The following PPARG variants were observed in gnomAD, a reference collection of about 807,000 sequenced individuals.
The protein encoded by PPARG is peroxisome proliferator activated receptor gamma.
In PPARG, 17 loss-of-function variants were observed where a neutral mutation model predicts 39.2. That is an observed-to-expected ratio of 0.43 (90% CI 0.30 to 0.65). The LOEUF (loss-of-function observed/expected upper bound fraction) is 0.65. Ranked by LOEUF, PPARG falls within the 30% of genes least tolerant of loss-of-function variation. The pLI is 0.13. For missense variants in PPARG, 406 were observed against 585.9 expected (o/e 0.69, Z 3.17); for synonymous variants, 223 against 215.7 (o/e 1.03, Z -0.30).
chr3:12,330,099 A>C (rs148775355), intron 2 of PPARG, among the ~76,000 whole-genome samples: 113 of 152,222 alleles, frequency 7.4e-4, no homozygotes, highest in African/African-American at 2.7e-3. Context: ...TTCAGTAAAC[A>C]TTGGTGTTCA....
chr3:12,411,367 A>G (rs2050873901), intron 6 of PPARG, among the ~76,000 whole-genome samples: 1 of 152,174 alleles, frequency 6.6e-6, no homozygotes, highest in Non-Finnish European at 1.5e-5. Flanking sequence ...GTAAATCTCT[A>G]AACCCTGCAG....
intron 2 of PPARG, among the ~76,000 whole-genome samples, chr3:12,370,844 G>C (rs2049187140): frequency 6.6e-6 from 1 of 152,152 alleles, no homozygotes; most frequent in Admixed American, 6.5e-5. Context: ...ATAAGACATA[G>C]ACTTTCCTGG....
At chr3:12,292,309 C>G (rs1161293029) in intron 1 of PPARG, among the ~76,000 whole-genome samples, 1 of 152,102 alleles carries the variant, frequency 6.6e-6, no homozygotes, top group African/African-American at 2.4e-5. Context: ...ACAGATTGTG[C>G]GCTTTGATTT....
intron 6 of PPARG, among the ~76,000 whole-genome samples, chr3:12,409,398 C>A (rs1224396060): frequency 6.7e-6 from 1 of 148,504 alleles, no homozygotes; most frequent in Non-Finnish European, 1.5e-5. Flanking sequence ...AGAAACAGTT[C>A]AGAGAGGAAT....
At chr3:12,399,888 G>A (rs1291273347) in intron 5 of PPARG, among the ~76,000 whole-genome samples, 2 of 151,210 alleles carry the variant, frequency 1.3e-5, no homozygotes, top group African/African-American at 4.9e-5. Flanking sequence ...CACTTGGGAG[G>A]CTGAGGCAGA....
intron 2 of PPARG, among the ~76,000 whole-genome samples, chr3:12,346,755 C>T (rs367610822): frequency 5.3e-5 from 8 of 152,094 alleles, no homozygotes; most frequent in South Asian, 2.1e-4. Context: ...CTGCCTCAGC[C>T]TCTCAAGTAG....
intron 6 of PPARG, among the ~76,000 whole-genome samples, chr3:12,414,387 C>T (rs1041409657): frequency 1.3e-5 from 2 of 152,088 alleles, no homozygotes; most frequent in Non-Finnish European, 2.9e-5. Context: ...GAGGCCAAAG[C>T]AGGACGATCA....
intron 5 of PPARG, among the ~76,000 whole-genome samples, chr3:12,404,973 A>G (rs1229815241): frequency 6.6e-6 from 1 of 152,188 alleles, no homozygotes; most frequent in Non-Finnish European, 1.5e-5. Context: ...TCGTGAGTGT[A>G]AGAACAGAGC....
intron 2 of PPARG, among the ~76,000 whole-genome samples, chr3:12,370,966 C>T (rs1439742722): frequency 3.9e-5 from 6 of 152,124 alleles, no homozygotes; most frequent in African/African-American, 7.2e-5. Flanking sequence ...CCTGTTTAAA[C>T]AATAGGGCTT....
At chr3:12,331,060 A>G (rs1426994938) in intron 2 of PPARG, among the ~76,000 whole-genome samples, 1 of 152,226 alleles carries the variant, frequency 6.6e-6, no homozygotes, top group Non-Finnish European at 1.5e-5. Flanking sequence ...TAACACAGCA[A>G]GTTAAAACCA....
intron 2 of PPARG, chr3:12,344,951 C>T (rs964460021): frequency 4.6e-5 from 7 of 152,126 alleles, no homozygotes; most frequent in African/African-American, 1.7e-4. Flanking sequence ...AGCTTTACTG[C>T]CAAAAACTAT....
At chr3:12,312,687 A>G (rs1410755115) in intron 2 of PPARG, among the ~76,000 whole-genome samples, 1 of 152,250 alleles carries the variant, frequency 6.6e-6, no homozygotes, top group Non-Finnish European at 1.5e-5. Flanking sequence ...AAATAACTCA[A>G]ATCCTTAAAA....
chr3:12,383,698 T>A (rs910198173), intron 4 of PPARG, among the ~76,000 whole-genome samples: 1 of 152,092 alleles, frequency 6.6e-6, no homozygotes, highest in Non-Finnish European at 1.5e-5. Context: ...TCCACCATAA[T>A]CCTATTAGTC....
At chr3:12,339,184 G>A (rs1406032578) in intron 2 of PPARG, among the ~76,000 whole-genome samples, 1 of 151,804 alleles carries the variant, frequency 6.6e-6, no homozygotes, top group Non-Finnish European at 1.5e-5. Context: ...ATTATGCTAA[G>A]TGAAAAAAAA....
chr3:12,378,745 AT>A lies in PPARG; in HGVS notation c.-8-958del, dbSNP rs145993371. Among the ~76,000 whole-genome samples the A allele has an allele frequency of 6.2e-3, 948 of 152,280 alleles. 5 individuals carry two copies. Among genetic ancestry groups the A allele is most frequent in the Non-Finnish European group, 9.9e-3 (672 of 68,012 alleles). On this transcript the variant is annotated intron_variant, in intron 2 of 7. Coordinates refer to ENST00000651735, the MANE Select transcript of PPARG (RefSeq NM_138711.6). ...GCTCTGGTCACCTTCTAAGGTGATC[AT>A]CTGCTAAGTATAGGTCACCTTCAGC...
intron 2 of PPARG, among the ~76,000 whole-genome samples, chr3:12,374,051 G>A (rs1262110107): frequency 2.0e-5 from 3 of 152,148 alleles, no homozygotes; most frequent in Non-Finnish European, 4.4e-5. Context: ...CGAGGTCTGG[G>A]ATAACCAGTG....
At chr3:12,340,365 A>G (rs796132121) in intron 2 of PPARG, among the ~76,000 whole-genome samples, 1 of 152,204 alleles carries the variant, frequency 6.6e-6, no homozygotes, top group Non-Finnish European at 1.5e-5. Flanking sequence ...ACTGTGTGCA[A>G]TAGATAACAA....
chr3:12,411,177 G>C (rs975626246), intron 6 of PPARG, among the ~76,000 whole-genome samples: 2 of 152,064 alleles, frequency 1.3e-5, no homozygotes, highest in Non-Finnish European at 1.5e-5. Flanking sequence ...ATATTTTATA[G>C]AGTTAAAAAG....
At chr3:12,344,332 A>C (rs1409822540) in intron 2 of PPARG, among the ~76,000 whole-genome samples, 2 of 151,902 alleles carry the variant, frequency 1.3e-5, no homozygotes, top group Non-Finnish European at 2.9e-5. Context: ...ATATTCTATA[A>C]GTTCAAATGT....
Sources: gnomAD v4.1 joint callset for allele counts (sites outside exome capture counted in the v4.1 genomes callset) on GRCh38, gnomAD v4.1.1 for gene constraint, MANE v1.5 for transcripts, NCBI Gene and HGNC (gene_info 2026-07-23, HGNC 2026-07-21) for gene names.